FAM161A: variants seen among roughly 807,000 people sequenced by gnomAD.
The protein encoded by FAM161A is protein FAM161A.
FAM161A carries 57 observed loss-of-function variants against 70.9 expected under a neutral mutation model. That is an observed-to-expected ratio of 0.80 (90% CI 0.65 to 1.00). FAM161A has a LOEUF of 1.00. FAM161A is among the 50% of genes least tolerant of loss of function. The probability of loss-of-function intolerance (pLI) is 0.00; values close to 1 mark genes in which losing one functional copy is unlikely to be tolerated. For synonymous variants in FAM161A, 299 were observed against 295.7 expected, an observed-to-expected ratio of 1.01 and a Z score of -0.12; for missense variants, 880 against 836.0, an observed-to-expected ratio of 1.05 and a Z score of -0.65.
Position 61,825,294 on chromosome 2 carries a change from T to C in FAM161A, c.*1161A>G. The C allele has an allele frequency of 4.4e-6, 2 of 454,180 alleles. No individual in the cohort carries two copies. Among genetic ancestry groups the C allele is most frequent in the Non-Finnish European group, 8.8e-6 (2 of 226,784 alleles). 28.1% of individuals were successfully genotyped at this position (454,180 alleles called of 1,614,324 possible). A position where few individuals can be genotyped will look rare whatever the true frequency, so the allele number is the denominator to read the frequency against. ...GAGATAAAGTGTGTTGGCAATAATA[T>C]GTAAAAAGTTGAACACAACTGGGTC... On this transcript the variant is annotated 3_prime_UTR_variant, in exon 7 of 7. Transcript: ENST00000404929.
the FAM161A span, among the ~76,000 whole-genome samples, chr2:61,809,869 T>C: frequency 6.6e-6 from 1 of 152,188 alleles, no homozygotes; most frequent in South Asian, 2.1e-4. Context: ...ATGTGAAGAA[T>C]CCCAGTCTAG....
chr2:61,853,825 C>A (rs1465326186), intron 1 of FAM161A, 34 bp downstream of exon 1: 1 of 1,612,386 alleles, frequency 6.2e-7, no homozygotes, highest in African/African-American at 1.3e-5. Flanking sequence ...CCAGCCCATG[C>A]GAGGTCCCAG....
rs1672915612 is a variant in FAM161A at position 61,839,495 on chromosome 2, A to G, written c.1509T>C (p.Gly503=). 1 of 1,614,066 alleles carries G rather than the reference A, an allele frequency of 6.2e-7. No homozygotes were observed. Among genetic ancestry groups the G allele is most frequent in the African/African-American group, 1.3e-5 (1 of 74,906 alleles). ...PRRKSPVRCA[G]VNPVPCNCNP... ...TGCAGTTACAAGGCACAGGGTTTAC[A>G]CCTGCACATCTTACTGGTGACTTAC... The change falls in exon 3 of 7, where the codon GGT becomes GGC. Residue 503 remains glycine (G), a synonymous_variant. Transcript: ENST00000404929.
the FAM161A span, among the ~76,000 whole-genome samples, chr2:61,803,879 CA>C: frequency 6.6e-6 from 1 of 152,054 alleles, no homozygotes; most frequent in Non-Finnish European, 1.5e-5. Context: ...CTCAATGTTA[CA>C]GGAAAGGGGT....
downstream of FAM161A, among the ~76,000 whole-genome samples, chr2:61,824,459 A>G (rs1558471200): frequency 6.6e-6 from 1 of 152,290 alleles, no homozygotes; most frequent in East Asian, 1.9e-4. Context: ...TCATTTAAGT[A>G]CAAGTATTTT....
At chr2:61,815,755 T>G in the FAM161A span, among the ~76,000 whole-genome samples, 2 of 151,842 alleles carry the variant, frequency 1.3e-5, no homozygotes, top group Non-Finnish European at 2.9e-5. Context: ...TTCACCAGGT[T>G]GGCCAGGCTG....
At chr2:61,830,189 T>A (rs952018931) in intron 5 of FAM161A, among the ~76,000 whole-genome samples, 5 of 152,214 alleles carry the variant, frequency 3.3e-5, no homozygotes, top group Non-Finnish European at 5.9e-5. Context: ...GGCGAAGGTA[T>A]AATGAATGGT....
At chr2:61,832,243 ACACACAC>A (rs200612297) in intron 5 of FAM161A, among the ~76,000 whole-genome samples, 92 of 69,986 alleles carry the variant, frequency 1.3e-3, no homozygotes, top group East Asian at 4.2e-3. Context: ...ACCCTGTCAC[ACACACAC>A]AAAAAAAAAC....
intron 1 of FAM161A, among the ~76,000 whole-genome samples, chr2:61,850,440 T>C (rs1348730590): frequency 2.6e-5 from 4 of 152,008 alleles, no homozygotes; most frequent in Admixed American, 2.0e-4. Context: ...TGTGTGTATA[T>C]GTGTATGTAT....
At chr2:61,813,172 A>C in the FAM161A span, among the ~76,000 whole-genome samples, 2 of 151,176 alleles carry the variant, frequency 1.3e-5, no homozygotes, top group Non-Finnish European at 1.5e-5. Flanking sequence ...ATTCTAGGCC[A>C]TGGCTCACGC....
At chr2:61,835,690 A>T (rs1464867519) in intron 5 of FAM161A, 1 of 219,684 alleles carries the variant, frequency 4.6e-6, no homozygotes, top group Non-Finnish European at 9.1e-6. Flanking sequence ...CATCAAAAAG[A>T]TTCAATGTTC....
At chr2:61,804,761 A>AAAGG in the FAM161A span, among the ~76,000 whole-genome samples, 1 of 73,594 alleles carries the variant, frequency 1.4e-5, no homozygotes, top group Middle Eastern at 5.6e-3. Context: ...AAAGAAAGAA[A>AAAGG]AAGAAAGAGA....
chr2:61,828,767 A>G (rs987582885), intron 5 of FAM161A, among the ~76,000 whole-genome samples: 1 of 152,238 alleles, frequency 6.6e-6, no homozygotes, highest in African/African-American at 2.4e-5. Context: ...AAGAATATGA[A>G]TTTAGAACTG....
the FAM161A span, among the ~76,000 whole-genome samples, chr2:61,817,691 G>T: frequency 6.6e-6 from 1 of 152,192 alleles, no homozygotes; most frequent in African/African-American, 2.4e-5. Flanking sequence ...CATAGGCCAG[G>T]TGCGGTGGCT....
intron 1 of FAM161A, among the ~76,000 whole-genome samples, chr2:61,849,432 G>T (rs1045842606): frequency 2.0e-5 from 3 of 151,488 alleles, no homozygotes; most frequent in Admixed American, 1.3e-4. Context: ...TTGAGCCCAG[G>T]AGTTTGAGAC....
chr2:61,812,923 G>T, the FAM161A span, among the ~76,000 whole-genome samples: 8 of 151,852 alleles, frequency 5.3e-5, no homozygotes, highest in South Asian at 1.7e-3. Context: ...CAAAAAATTA[G>T]CTGGGCGTGG....
intron 5 of FAM161A, 133 bp downstream of exon 5, chr2:61,835,877 C>A: frequency 1.4e-6 from 1 of 739,278 alleles, no homozygotes. Context: ...TATGATGAAG[C>A]CAACACAAAC....
intron 1 of FAM161A, among the ~76,000 whole-genome samples, chr2:61,843,272 C>A (rs568461379): frequency 1.3e-5 from 2 of 152,096 alleles, no homozygotes; most frequent in Non-Finnish European, 2.9e-5. Context: ...GGATTACAGG[C>A]GCACACCACC....
intron 4 of FAM161A, among the ~76,000 whole-genome samples, chr2:61,837,310 G>C (rs143648230): frequency 6.6e-6 from 1 of 152,116 alleles, no homozygotes; most frequent in Non-Finnish European, 1.5e-5. Context: ...TAAATTTACC[G>C]TAAGTGTTCT....
Sources: gnomAD v4.1 joint callset for allele counts (sites outside exome capture counted in the v4.1 genomes callset) on GRCh38, gnomAD v4.1.1 for gene constraint, MANE v1.5 for transcripts, NCBI Gene and HGNC (gene_info 2026-07-23, HGNC 2026-07-21) for gene names.